BMP6: variants seen among roughly 807,000 people sequenced by gnomAD.
BMP6 encodes the protein VG-1-R.
In BMP6, 17 loss-of-function variants were observed where a neutral mutation model predicts 54.1. That is an observed-to-expected ratio of 0.31 (90% CI 0.22 to 0.47). BMP6 has a LOEUF of 0.47. Among genes scored for constraint, BMP6 ranks in the 20% least tolerant of loss-of-function variants. BMP6 has a pLI of 1.00. For synonymous variants in BMP6, 328 were observed against 291.2 expected (o/e 1.13, Z -1.28); for missense variants, 720 against 690.4 (o/e 1.04, Z -0.48).
chr6:7,804,818 G>T (rs1442538619), intron 1 of BMP6, among the ~76,000 whole-genome samples: 1 of 151,936 alleles, frequency 6.6e-6, no homozygotes, highest in Admixed American at 6.6e-5. Context: ...GTACTGGATT[G>T]GTTTAAATTA....
At chr6:7,789,660 G>A (rs1353054467) in intron 1 of BMP6, among the ~76,000 whole-genome samples, 1 of 152,202 alleles carries the variant, frequency 6.6e-6, no homozygotes, top group Non-Finnish European at 1.5e-5. Context: ...CAAGCAGCCA[G>A]TTCCAAAGTG....
At chr6:7,809,532 A>G (rs987783644) in intron 1 of BMP6, among the ~76,000 whole-genome samples, 1 of 152,174 alleles carries the variant, frequency 6.6e-6, no homozygotes, top group Non-Finnish European at 1.5e-5. Context: ...GCGGAAAAGG[A>G]TGAAATGCGG....
chr6:7,748,797 T>C (rs1757381925), intron 1 of BMP6, among the ~76,000 whole-genome samples: 1 of 152,212 alleles, frequency 6.6e-6, no homozygotes, highest in African/African-American at 2.4e-5. Flanking sequence ...TTTCAGAATG[T>C]CATGCTCCCA....
chr6:7,757,735 G>A (rs1288203654), intron 1 of BMP6, among the ~76,000 whole-genome samples: 1 of 152,152 alleles, frequency 6.6e-6, no homozygotes, highest in Non-Finnish European at 1.5e-5. Flanking sequence ...CTCTCCCTAC[G>A]TCTCTGCACC....
chr6:7,847,730 A>G (rs2113257920), intron 2 of BMP6, among the ~76,000 whole-genome samples: 1 of 152,286 alleles, frequency 6.6e-6, no homozygotes. Flanking sequence ...AGCCTGACCC[A>G]GGGAGGGTCA....
chr6:7,809,142 G>A (rs1378385529), intron 1 of BMP6, among the ~76,000 whole-genome samples: 1 of 122,832 alleles, frequency 8.1e-6, no homozygotes, highest in African/African-American at 3.1e-5. Context: ...TTTTAAACAT[G>A]TTGACTAAAA....
In BMP6 at chr6:7,862,358, A is replaced by G. The variant is rs146194999; in HGVS notation, c.1064A>G (p.Lys355Arg). Residue 355 changes from lysine to arginine, a missense_variant, in exon 4 of 7, where the codon AAG becomes AGG. Lys to Arg is a conservative substitution (Grantham distance 26, BLOSUM62 2). Around this residue, in one of 3 missense-constraint regions of BMP6, gnomAD observed 650 missense variants for 556.3 expected, o/e 1.17. Transcript: ENST00000283147. ...GLVGRDGPYDKQPFMVAFFKV... is the reference protein window; with the variant it reads ...GLVGRDGPYDRQPFMVAFFKV... ...GTGGGCAGAGACGGCCCTTACGACA[A>G]GCAGCCCTTCATGGTGGCTTTCTTC... 6.2e-7 allele frequency: 1 copy of G among 1,614,080 alleles called. No homozygotes were observed. The highest frequency in any genetic ancestry group is 1.3e-5 in the African/African-American group (1 of 74,924).
intron 1 of BMP6, among the ~76,000 whole-genome samples, chr6:7,795,524 T>G (rs1050222979): frequency 1.3e-5 from 2 of 152,176 alleles, no homozygotes; most frequent in African/African-American, 4.8e-5. Flanking sequence ...GGCTAGTTTG[T>G]CATGAAGCCA....
Position 7,879,993 on chromosome 6 carries a change from C to T in BMP6, c.1284C>T (p.Asp428=), listed in dbSNP as rs571649629. The T allele has an allele frequency of 6.2e-7, 1 of 1,613,842 alleles. No individual in the cohort carries two copies. Among genetic ancestry groups the T allele is most frequent in the South Asian group, 1.1e-5 (1 of 91,072 alleles). Reference sequence around the variant, plus strand: ...TGCTTCCTTTGCATGAAATTAAGGACTGGATCATTGCACCCAAGGGCTATG... The same window carrying T: ...TGCTTCCTTTGCATGAAATTAAGGATTGGATCATTGCACCCAAGGGCTATG... The part of the protein sequence containing the change: ...YVSFQDLGWQ[D]WIIAPKGYAA... The change falls in exon 6 of 7, where the codon GAC becomes GAT. Residue 428 remains aspartate (D), a splice_region_variant and synonymous_variant. Coordinates refer to ENST00000283147, the MANE Select transcript of BMP6 (RefSeq NM_001718.6).
At chr6:7,867,822 A>G (rs1205653318) in intron 4 of BMP6, among the ~76,000 whole-genome samples, 1 of 152,252 alleles carries the variant, frequency 6.6e-6, no homozygotes, top group African/African-American at 2.4e-5. Flanking sequence ...CACTTCTATC[A>G]TGCACAACTC....
intron 1 of BMP6, among the ~76,000 whole-genome samples, chr6:7,765,415 A>G (rs1757672182): frequency 6.6e-6 from 1 of 152,216 alleles, no homozygotes. Flanking sequence ...CCCCTCAAAA[A>G]CAAAACAATA....
chr6:7,823,779 C>T (rs537048674), intron 1 of BMP6, among the ~76,000 whole-genome samples: 96 of 152,282 alleles, frequency 6.3e-4, no homozygotes, highest in Non-Finnish European at 1.0e-3. Flanking sequence ...GGGCCTTCAG[C>T]GTTTCCCTGC....
At chr6:7,812,941 CTG>C (rs1758455946) in intron 1 of BMP6, among the ~76,000 whole-genome samples, 1 of 144,502 alleles carries the variant, frequency 6.9e-6, no homozygotes, top group Non-Finnish European at 1.5e-5. Flanking sequence ...GGCCACGTAT[CTG>C]TGTTTTCAGT....
At chr6:7,811,504 G>A (rs1299874391) in intron 1 of BMP6, among the ~76,000 whole-genome samples, 1 of 152,196 alleles carries the variant, frequency 6.6e-6, no homozygotes, top group Non-Finnish European at 1.5e-5. Flanking sequence ...TCGGGCAAAT[G>A]TATGTTCCCG....
At chr6:7,808,022 G>A (rs1032868660) in intron 1 of BMP6, among the ~76,000 whole-genome samples, 2 of 144,134 alleles carry the variant, frequency 1.4e-5, no homozygotes, top group South Asian at 2.3e-4. Flanking sequence ...GCGGGTTCAC[G>A]CCATTCTCCT....
intron 2 of BMP6, among the ~76,000 whole-genome samples, chr6:7,855,310 T>C (rs1246465344): frequency 6.6e-6 from 1 of 152,130 alleles, no homozygotes; most frequent in Non-Finnish European, 1.5e-5. Flanking sequence ...TGGGAACCTG[T>C]TAGAAATGCA....
chr6:7,776,962 A>G (rs1447607333), intron 1 of BMP6, among the ~76,000 whole-genome samples: 2 of 152,246 alleles, frequency 1.3e-5, no homozygotes, highest in African/African-American at 4.8e-5. Flanking sequence ...CTACAACTCA[A>G]CTATCTACGC....
rs558219642 is a variant in BMP6 at position 7,842,347 on chromosome 6, G to T, written c.665-2793G>T. Among the ~76,000 whole-genome samples the T allele has an allele frequency of 2.0e-5, 3 of 152,242 alleles. No individual in the cohort carries two copies. The South Asian group carries it at 6.2e-4, about 32-fold the overall frequency. On this transcript the variant is annotated intron_variant, in intron 1 of 6. Transcript: ENST00000283147. ...TGGTGCCTCAGCTGAGGTGCTTGGGGACAGGCTGGACAGTTTGTGTGTTCT... is the reference window on the plus strand; with the variant it reads ...TGGTGCCTCAGCTGAGGTGCTTGGGTACAGGCTGGACAGTTTGTGTGTTCT...
At chr6:7,811,024 TGGCCCCCAG>T (rs1387088622) in intron 1 of BMP6, among the ~76,000 whole-genome samples, 1 of 152,210 alleles carries the variant, frequency 6.6e-6, no homozygotes, top group Non-Finnish European at 1.5e-5. Flanking sequence ...TACCCCCATG[TGGCCCCCAG>T]GGCCCCCACC....
Sources: allele counts gnomAD v4.1 joint callset (sites outside exome capture counted in the v4.1 genomes callset), GRCh38; gene constraint gnomAD v4.1.1; regional missense constraint gnomAD v4.1.1; transcripts MANE v1.5; gene names NCBI Gene and HGNC (gene_info 2026-07-23, HGNC 2026-07-21).